CEBPZOS: variants seen among roughly 807,000 people sequenced by gnomAD.
CEBPZOS encodes the protein CEBPZ opposite strand.
Under a neutral mutation model 4.8 loss-of-function variants are expected in CEBPZOS, and 10 were observed. That is an observed-to-expected ratio of 2.07 (90% confidence interval 1.28 to 3.52). CEBPZOS has a LOEUF of 3.52. Among genes scored for constraint, CEBPZOS ranks in the 30% most tolerant of loss-of-function variants. CEBPZOS has a pLI of 0.00. For synonymous variants in CEBPZOS, 25 were observed against 14.2 expected (o/e 1.77, Z -1.72); for missense variants, 98 against 43.6 (o/e 2.25, Z -3.51).
intron 4 of CEBPZOS, chr2:37,211,121 A>C (rs759457060): frequency 8.9e-6 from 12 of 1,352,428 alleles, no homozygotes; most frequent in Non-Finnish European, 1.3e-5. Flanking sequence ...CAATTTAAAA[A>C]CAATAAGACT....
In CEBPZOS at chr2:37,202,962, TAC is replaced by T; in HGVS notation, c.*1104_*1105del. On this transcript the variant is annotated 3_prime_UTR_variant, in exon 5 of 5. Transcript: ENST00000402297. ...ACATTAGCCTTACCTCTTCAGCAGA[TAC>T]AAATAGGCTGGAATCATTTAAGTTT... The T allele has an allele frequency of 6.3e-7, 1 of 1,576,846 alleles. No individual in the cohort carries two copies. The highest frequency in any genetic ancestry group is 8.6e-7 in the Non-Finnish European group (1 of 1,164,090).
chr2:37,200,931 T>C, intron 2 of CEBPZOS, 117 bp from the exon 3 acceptor site: 1 of 609,010 alleles, frequency 1.6e-6, no homozygotes, highest in South Asian at 2.0e-5. Flanking sequence ...TTCAAACAAA[T>C]TTCTAATCTA....
chr2:37,207,487 A>T (rs1177923582), downstream of CEBPZOS, among the ~76,000 whole-genome samples: 4 of 152,330 alleles, frequency 2.6e-5, no homozygotes, highest in Non-Finnish European at 5.9e-5. Flanking sequence ...ATTGGAAATT[A>T]ACTCCAAAAG....
downstream of CEBPZOS, chr2:37,213,911 T>A: frequency 6.3e-7 from 1 of 1,597,964 alleles, no homozygotes; most frequent in Non-Finnish European, 8.5e-7. Context: ...TATACTTTCT[T>A]CATCTGCATC....
At chr2:37,216,009 G>T, downstream of CEBPZOS, 1 of 650,466 alleles carries the variant, frequency 1.5e-6, no homozygotes, top group Non-Finnish European at 2.4e-6. Flanking sequence ...ACCTATTCTT[G>T]GGAAAAAAGA....
chr2:37,197,266 T>A (rs1303701840), intron 1 of CEBPZOS: 1 of 152,238 alleles, frequency 6.6e-6, no homozygotes, highest in East Asian at 1.9e-4. Context: ...GTATCCCTGG[T>A]GGTCTGTAGC....
Position 37,201,850 on chromosome 2 carries a change from C to T in CEBPZOS, c.*3-13C>T, listed in dbSNP as rs534443487. ...TTTTTCTTGATGATACTTTTTGCAT[C>T]TCTGTTGTGTAGCCAGTCATCACGT... On this transcript the variant is annotated splice_polypyrimidine_tract_variant and intron_variant, in intron 4 of 4. Transcript: ENST00000402297. 6.2e-7 allele frequency: 1 copy of T among 1,613,364 alleles called. No individual in the cohort carries two copies. Among genetic ancestry groups the T allele is most frequent in the Non-Finnish European group, 8.5e-7 (1 of 1,179,474 alleles).
At chr2:37,212,471 C>G (rs1677754192) in intron 4 of CEBPZOS, 6 of 1,220,128 alleles carry the variant, frequency 4.9e-6, no homozygotes, top group Non-Finnish European at 7.2e-6. Flanking sequence ...ATCAATTATT[C>G]TAAGTCATGA....
chr2:37,201,252 T>G (rs1677216950), intron 3 of CEBPZOS, 160 bp downstream of exon 3: 1 of 581,430 alleles, frequency 1.7e-6, no homozygotes, highest in African/African-American at 1.9e-5. Flanking sequence ...AGAGGAGAAT[T>G]AGGTAATGGG....
chr2:37,212,162 G>T, intron 4 of CEBPZOS: 1 of 999,088 alleles, frequency 1.0e-6, no homozygotes, highest in Non-Finnish European at 1.5e-6. Context: ...AGACTGCTCA[G>T]AGTAAATAAT....
At chr2:37,201,248 G>GAATT in intron 3 of CEBPZOS, 156 bp downstream of exon 3, 1 of 582,412 alleles carries the variant, frequency 1.7e-6, no homozygotes. Flanking sequence ...AGTGAGAGGA[G>GAATT]AATTAGGTAA....
chr2:37,201,430 C>A (rs1164198765), intron 3 of CEBPZOS: 2 of 527,400 alleles, frequency 3.8e-6, no homozygotes, highest in African/African-American at 3.9e-5. Flanking sequence ...TAGATAAAGA[C>A]TGAACAAGAT....
At chr2:37,206,903 G>T (rs1042586322), downstream of CEBPZOS, among the ~76,000 whole-genome samples, 2 of 152,128 alleles carry the variant, frequency 1.3e-5, no homozygotes. Context: ...CTGTGTTCAG[G>T]AGACTCACGT....
chr2:37,196,849 G>C (rs1676966136), intron 1 of CEBPZOS, among the ~76,000 whole-genome samples: 1 of 152,226 alleles, frequency 6.6e-6, no homozygotes, highest in African/African-American at 2.4e-5. Flanking sequence ...CGCGGCAGGA[G>C]CCGGGAGCCG....
intron 4 of CEBPZOS, chr2:37,212,365 C>T (rs1276428402): frequency 3.1e-6 from 5 of 1,613,566 alleles, no homozygotes; most frequent in Non-Finnish European, 8.5e-7. Context: ...CTTTCCAGAG[C>T]TGAAACAGTT....
chr2:37,199,594 A>C (rs959705492), intron 1 of CEBPZOS, 110 bp from the exon 2 acceptor site: 2 of 638,532 alleles, frequency 3.1e-6, no homozygotes, highest in Non-Finnish European at 5.8e-6. Flanking sequence ...TCTTACTCCC[A>C]TACAGAGAAG....
chr2:37,204,778 T>C (rs1442087483), downstream of CEBPZOS: 1 of 152,254 alleles, frequency 6.6e-6, no homozygotes, highest in Non-Finnish European at 1.5e-5. Context: ...TTCTGTTGGG[T>C]ATTCTTTAAT....
At chr2:37,210,374 A>T (rs191585737) in intron 4 of CEBPZOS, 15 of 152,354 alleles carry the variant, frequency 9.8e-5, no homozygotes, top group Non-Finnish European at 1.5e-4. Flanking sequence ...ACCAACCTAA[A>T]TGCCCATCAA....
downstream of CEBPZOS, among the ~76,000 whole-genome samples, chr2:37,205,594 T>C (rs1042943246): frequency 1.3e-5 from 2 of 152,244 alleles, no homozygotes; most frequent in Non-Finnish European, 2.9e-5. Context: ...TTGTTGCTCA[T>C]GCAAAGCCTG....
Sources: allele counts gnomAD v4.1 joint callset (sites outside exome capture counted in the v4.1 genomes callset), GRCh38; gene constraint gnomAD v4.1.1; transcripts MANE v1.5; gene names NCBI Gene and HGNC (gene_info 2026-07-23, HGNC 2026-07-21).